KCP: variants seen among roughly 807,000 people sequenced by gnomAD.
KCP encodes kielin cysteine rich BMP regulator, also known as kielin/chordin-like protein.
In KCP, 194 loss-of-function variants were observed where a neutral mutation model predicts 212.7. The ratio of observed to expected loss-of-function variants is 0.91; its 90% CI spans 0.81 to 1.03. The LOEUF is 1.03. Ranked by LOEUF, KCP falls within the 50% of genes least tolerant of loss-of-function variation. The probability of loss-of-function intolerance (pLI) is 0.00; values close to 1 mark genes in which losing one functional copy is unlikely to be tolerated. For missense variants in KCP, 2,080 were observed against 2,162.5 expected (o/e 0.96, Z 0.76); for synonymous variants, 833 against 865.3 (o/e 0.96, Z 0.65).
rs750528797 is a variant in KCP at position 128,891,605 on chromosome 7, C to T, written c.1795+41G>A. The T allele has an allele frequency of 9.3e-6, 14 of 1,506,646 alleles. No individual in the cohort carries two copies. In the African/African-American group the frequency reaches 1.8e-4, roughly 19 times the overall value. The allele number at this position is 1,506,646 out of a possible 1,614,324, so 93.3% of individuals were successfully genotyped here. On this transcript the variant is annotated intron_variant, in intron 17 of 39. Coordinates refer to ENST00000610776, the MANE Select transcript of KCP (RefSeq NM_001366122.1). ...GGCGTGCTGCCTTCCGGGGGCCATGCCATCCCATCCCAGAAGGCCGCCCTG... is the reference window on the plus strand; with the variant it reads ...GGCGTGCTGCCTTCCGGGGGCCATGTCATCCCATCCCAGAAGGCCGCCCTG...
intron 7 of KCP, 63 bp downstream of exon 7, chr7:128,903,664 A>C (rs1794972551): frequency 7.3e-7 from 1 of 1,361,668 alleles, no homozygotes; most frequent in Non-Finnish European, 9.9e-7. Context: ...TGGGCTCTGG[A>C]ATTCAAGAAA....
rs531041965 is a variant in KCP, at chr7:128,883,387, C to A, written c.3244+615G>T. 2.0e-5 allele frequency among the ~76,000 whole-genome samples: 3 copies of A among 152,216 alleles called. No homozygotes were observed. The South Asian group carries it at 6.2e-4, about 32-fold the overall frequency. ...TCTCTTGACCTTGTGATCCTCCCAC[C>A]TTGGCCTCCCAAAGTGCTGGGATTA... On this transcript the variant is annotated intron_variant, in intron 29 of 39. Coordinates refer to ENST00000610776, the MANE Select transcript of KCP (RefSeq NM_001366122.1).
rs1358761858 is a variant in KCP at position 128,880,646 on chromosome 7, C to T, written c.3589G>A (p.Ala1197Thr). ...CPHGWAKVPQ[A>T]DSCCERCQAP... ...TGGCATCGCTCACAGCAGCTGTCAG[C>T]CTGGGGCACCTTCGCCCAGCCATGG... The change falls in exon 33 of 40, where the codon GCT becomes ACT. Residue 1197 changes from alanine (A) to threonine (T), a missense_variant. Transcript: ENST00000610776. 3.2e-6 allele frequency: 3 copies of T among 936,922 alleles called. No homozygotes were observed. Among genetic ancestry groups the T allele is most frequent in the East Asian group, 3.1e-5 (1 of 31,854 alleles). The allele number at this position is 936,922 out of a possible 1,614,324, so 58.0% of individuals were successfully genotyped here. A position where few individuals can be genotyped will look rare whatever the true frequency, so the allele number is the denominator to read the frequency against.
rs1384052563 is a variant in KCP, at chr7:128,880,010, C to T, written c.3835G>A (p.Gly1279Arg). ...LPRPASCMAF[G>R]DPHYRTFDGR... Reference sequence around the variant, plus strand: ...TCGAAGGTGCGGTAATGGGGGTCTCCGAAGGCCATGCAGGAAGCGGGCCGA... The same window carrying T: ...TCGAAGGTGCGGTAATGGGGGTCTCTGAAGGCCATGCAGGAAGCGGGCCGA... The change falls in exon 35 of 40, where the codon GGA (glycine) becomes AGA (arginine). Residue 1279 changes from glycine (G) to arginine (R), a missense_variant. Coordinates refer to ENST00000610776, the MANE Select transcript of KCP (RefSeq NM_001366122.1). 1.1e-5 allele frequency: 17 copies of T among 1,550,006 alleles called. No homozygotes were observed. Among genetic ancestry groups the T allele is most frequent in the Admixed American group, 5.9e-5 (3 of 50,952 alleles).
Position 128,891,167 on chromosome 7 carries a change from G to T in KCP, c.1972+18C>A. 1 of 1,540,960 alleles carries T rather than the reference G, an allele frequency of 6.5e-7. No individual in the cohort carries two copies. On this transcript the variant is annotated intron_variant, in intron 19 of 39. Coordinates refer to ENST00000610776, the MANE Select transcript of KCP (RefSeq NM_001366122.1). ...AGGGGACCCCCAGGGAGGAGCAGCC[G>T]AGGGGTGCGGCCCCTACCTGGGCAC... is the stretch of plus-strand genomic sequence containing the variant.
At chr7:128,891,402 A>T (rs1794121714) in intron 18 of KCP, 49 bp downstream of exon 18, 1 of 1,547,362 alleles carries the variant, frequency 6.5e-7, no homozygotes, top group East Asian at 2.4e-5. Flanking sequence ...GGCCTCTGCA[A>T]GTCCCGCCTC....
chr7:128,884,165 A>C, intron 28 of KCP, 43 bp from the exon 29 acceptor site: 1 of 1,503,292 alleles, frequency 6.7e-7, no homozygotes. Context: ...GGCCACAAAA[A>C]CCCAGAGCTG....
intron 38 of KCP, 145 bp downstream of exon 38, chr7:128,878,413 A>T: frequency 1.1e-6 from 1 of 878,446 alleles, no homozygotes; most frequent in East Asian, 2.7e-5. Context: ...ACAGGCAAGA[A>T]GCCCCCACAC....
chr7:128,884,870 G>C lies in KCP; in HGVS notation c.3041-7C>G. The C allele has an allele frequency of 6.4e-7, 1 of 1,550,682 alleles. No individual in the cohort carries two copies. The highest frequency in any genetic ancestry group is 2.0e-5 in the Admixed American group (1 of 51,010). ...CGGCCCTCATGCTCACAGTCTTTGGGGTGGAGTGAGAGCAGAACGGGACCA... is the reference window on the plus strand; with the variant it reads ...CGGCCCTCATGCTCACAGTCTTTGGCGTGGAGTGAGAGCAGAACGGGACCA... On this transcript the variant is annotated splice_region_variant and splice_polypyrimidine_tract_variant and intron_variant, in intron 27 of 39. Coordinates refer to ENST00000610776, the MANE Select transcript of KCP (RefSeq NM_001366122.1).
chr7:128,903,893 C>A (rs1056817884), intron 6 of KCP, 73 bp from the exon 7 acceptor site: 4 of 1,367,302 alleles, frequency 2.9e-6, no homozygotes, highest in South Asian at 2.5e-5. Flanking sequence ...GTGTTGGGCA[C>A]CCTCGGAGGA....
At position 128,892,536 on chromosome 7, in the gene KCP, G is replaced by C; in HGVS notation, c.1599C>G (p.Gly533=). ...TACCTGGGCACCTGGGGCAACACTG[G>C]CCTGGTCCACTCTGGGGCCTGGCAC... The part of the protein sequence containing the change: ...TTCARPQSGP[G]QCCPRCPDCI... The change falls in exon 16 of 40, where the codon GGC becomes GGG. Residue 533 remains glycine, a synonymous_variant. Coordinates refer to ENST00000610776, the MANE Select transcript of KCP (RefSeq NM_001366122.1). The C allele has an allele frequency of 6.5e-7, 1 of 1,543,556 alleles. No individual in the cohort carries two copies. Among genetic ancestry groups the C allele is most frequent in the South Asian group, 1.2e-5 (1 of 82,678 alleles).
intron 21 of KCP, among the ~76,000 whole-genome samples, chr7:128,889,624 A>G (rs972905115): frequency 6.6e-6 from 1 of 152,254 alleles, no homozygotes; most frequent in Non-Finnish European, 1.5e-5. Context: ...TTTTATGGTA[A>G]TGTGGTCCTG....
chr7:128,882,240 G>C (rs1056723606), intron 29 of KCP, among the ~76,000 whole-genome samples: 2 of 152,320 alleles, frequency 1.3e-5, no homozygotes, highest in Admixed American at 1.3e-4. Flanking sequence ...GGGGCCGGGT[G>C]GGGGTGCAAG....
chr7:128,877,530 A>G lies in KCP; in HGVS notation c.4572T>C (p.Cys1524=). The change falls in exon 39 of 40, where the codon TGT becomes TGC. Residue 1524 remains cysteine (C), a synonymous_variant. Coordinates refer to ENST00000610776, the MANE Select transcript of KCP (RefSeq NM_001366122.1). Reference sequence around the variant, plus strand: ...AGGTAGGTGTCACTCCTGCCTGGCGACAGTGACTGGCGTAGGCTTCCAGGG... The same window carrying G: ...AGGTAGGTGTCACTCCTGCCTGGCGGCAGTGACTGGCGTAGGCTTCCAGGG... ...CDALEAYASH[C]RQAGVTPTWR... is the part of the protein sequence containing the mutation. The G allele has an allele frequency of 6.4e-7, 1 of 1,551,382 alleles. No individual in the cohort carries two copies. The highest frequency in any genetic ancestry group is 8.7e-7 in the Non-Finnish European group (1 of 1,146,960).
chr7:128,887,181 A>G, intron 23 of KCP, 34 bp downstream of exon 23: 2 of 1,533,538 alleles, frequency 1.3e-6, no homozygotes, highest in Non-Finnish European at 1.8e-6. Context: ...TCAAGGGAGG[A>G]AAGGTTACCA....
At chr7:128,881,588 C>T (rs1413415408) in intron 31 of KCP, 38 bp downstream of exon 31, 1 of 1,403,792 alleles carries the variant, frequency 7.1e-7, no homozygotes, top group African/African-American at 1.5e-5. Flanking sequence ...TCCCCCTGGG[C>T]TCCTCTCTGA....
In KCP at chr7:128,907,184, A is replaced by C; in HGVS notation, c.410-7T>G. 1 of 1,550,654 alleles carries C rather than the reference A, an allele frequency of 6.4e-7. No homozygotes were observed. Among genetic ancestry groups the C allele is most frequent in the Non-Finnish European group, 8.7e-7 (1 of 1,146,238 alleles). On this transcript the variant is annotated splice_region_variant and splice_polypyrimidine_tract_variant and intron_variant, in intron 3 of 39. Coordinates refer to ENST00000610776, the MANE Select transcript of KCP (RefSeq NM_001366122.1). ...TGGCCATTTTGGCTGCAGCCTAAGGAGACAGCAGTGTCACTCAAGCACCCC... is the reference window on the plus strand; with the variant it reads ...TGGCCATTTTGGCTGCAGCCTAAGGCGACAGCAGTGTCACTCAAGCACCCC...
In KCP at chr7:128,893,469, C is replaced by T. The variant is rs1164786497; in HGVS notation, c.1107G>A (p.Glu369=). ...GGCTCTGATACTGGTGTCCCTGGTA[C>T]TCACAGCCTGGATGGGATGACAGGG... is the stretch of plus-strand genomic sequence containing the variant. ...GQCCPVCDGC[E]YQGHQYQSQE... is the part of the protein sequence containing the mutation. The change falls in exon 12 of 40, where the codon GAG becomes GAA. Residue 369 remains glutamate, a synonymous_variant. Transcript: ENST00000610776. 2.6e-6 allele frequency: 4 copies of T among 1,550,512 alleles called. No individual in the cohort carries two copies. Among genetic ancestry groups the T allele is most frequent in the African/African-American group, 2.7e-5 (2 of 73,012 alleles).
At chr7:128,894,848 T>C (rs2128948471) in intron 8 of KCP, among the ~76,000 whole-genome samples, 1 of 152,322 alleles carries the variant, frequency 6.6e-6, no homozygotes, top group Non-Finnish European at 1.5e-5. Context: ...CCTCAGGTGA[T>C]CCACCTGTCT....
Sources: allele counts gnomAD v4.1 joint callset (sites outside exome capture counted in the v4.1 genomes callset), GRCh38; gene constraint gnomAD v4.1.1; transcripts MANE v1.5; gene names NCBI Gene and HGNC (gene_info 2026-07-23, HGNC 2026-07-21).